RHOJ: variants seen among roughly 807,000 people sequenced by gnomAD.
RHOJ encodes the protein rho-related GTP-binding protein RhoJ.
A neutral mutation model predicts 23.4 loss-of-function variants in RHOJ; 11 were observed. The observed-to-expected ratio is 0.47, with a 90% CI of 0.30 to 0.78. RHOJ has a LOEUF of 0.78. RHOJ is among the 30% of genes least tolerant of loss of function. The pLI is 0.08. For missense variants in RHOJ, 254 were observed against 273.4 expected, an observed-to-expected ratio of 0.93 and a Z score of 0.50; for synonymous variants, 102 against 102.7, an observed-to-expected ratio of 0.99 and a Z score of 0.04.
At chr14:63,248,064 G>T (rs1408992517) in intron 1 of RHOJ, among the ~76,000 whole-genome samples, 1 of 152,148 alleles carries the variant, frequency 6.6e-6, no homozygotes, top group Non-Finnish European at 1.5e-5. Context: ...CAACATGTGG[G>T]AATTGTGGGA....
chr14:63,235,454 A>AG (rs1434813863), intron 1 of RHOJ, among the ~76,000 whole-genome samples: 1 of 152,156 alleles, frequency 6.6e-6, no homozygotes, highest in Non-Finnish European at 1.5e-5. Flanking sequence ...CTTATTCTTA[A>AG]GAGATGCTGC....
chr14:63,244,584 A>G (rs375252182), intron 1 of RHOJ, among the ~76,000 whole-genome samples: 1 of 152,172 alleles, frequency 6.6e-6, no homozygotes, highest in South Asian at 2.1e-4. Context: ...GTCTAAAACA[A>G]AACAAAAAGG....
At chr14:63,215,936 T>C (rs1006924313) in intron 1 of RHOJ, among the ~76,000 whole-genome samples, 1 of 152,286 alleles carries the variant, frequency 6.6e-6, no homozygotes, top group African/African-American at 2.4e-5. Context: ...TCCAAGAGTC[T>C]CAGTCTTAAC....
intron 1 of RHOJ, among the ~76,000 whole-genome samples, chr14:63,259,242 A>G (rs1486411209): frequency 6.6e-6 from 1 of 152,214 alleles, no homozygotes; most frequent in African/African-American, 2.4e-5. Flanking sequence ...ATTGTACCTT[A>G]CCTAAAACTG....
intron 1 of RHOJ, among the ~76,000 whole-genome samples, chr14:63,240,908 AACTC>A (rs1427605211): frequency 1.3e-5 from 2 of 152,238 alleles, no homozygotes; most frequent in African/African-American, 4.8e-5. Flanking sequence ...ATGAAACGGC[AACTC>A]ACTAAGAATG....
At chr14:63,243,055 T>C (rs1248394748) in intron 1 of RHOJ, among the ~76,000 whole-genome samples, 2 of 152,194 alleles carry the variant, frequency 1.3e-5, no homozygotes, top group African/African-American at 4.8e-5. Context: ...GGACAAGCGG[T>C]ACTTGCACCT....
At position 63,259,806 on chromosome 14, in the gene RHOJ, T is replaced by C. The variant is rs150444738; in HGVS notation, c.179-9304T>C. Among the ~76,000 whole-genome samples the C allele has an allele frequency of 9.1e-4, 138 of 152,326 alleles. 3 individuals carry two copies. The East Asian group carries it at 0.025, about 28-fold the overall frequency. ...ACGTTATTTTTATTTGAAAAGAACC[T>C]ATGTTTCGTTACCTAAAAAGAACCC... On this transcript the variant is annotated intron_variant, in intron 1 of 4. Coordinates refer to ENST00000316754, the MANE Select transcript of RHOJ (RefSeq NM_020663.5).
chr14:63,289,746 A>T (rs1270739702), intron 4 of RHOJ, among the ~76,000 whole-genome samples: 1 of 152,250 alleles, frequency 6.6e-6, no homozygotes, highest in Non-Finnish European at 1.5e-5. Context: ...ATTATCAAAC[A>T]CACCATAGTA....
chr14:63,287,323 T>G (rs1467463506), intron 4 of RHOJ, among the ~76,000 whole-genome samples: 3 of 152,268 alleles, frequency 2.0e-5, no homozygotes, highest in Non-Finnish European at 4.4e-5. Flanking sequence ...CCTCTCTGGG[T>G]ATCAGTTTCC....
chr14:63,285,076 C>T lies in RHOJ; in HGVS notation c.498+1860C>T, dbSNP rs1161897585. Reference sequence around the variant, plus strand: ...TATAGAGATGCTTTAAGTTTCTCTACTCTCTGACTTTTCTGTCAAGTAGTT... The same window carrying T: ...TATAGAGATGCTTTAAGTTTCTCTATTCTCTGACTTTTCTGTCAAGTAGTT... On this transcript the variant is annotated intron_variant, in intron 4 of 4. Transcript: ENST00000316754. Among the ~76,000 whole-genome samples, 3 of 152,182 alleles carry T rather than the reference C, an allele frequency of 2.0e-5. No homozygotes were observed. In the East Asian group the frequency reaches 5.8e-4, roughly 29 times the overall value.
At chr14:63,290,195 G>T (rs1240095455) in intron 4 of RHOJ, among the ~76,000 whole-genome samples, 1 of 152,024 alleles carries the variant, frequency 6.6e-6, no homozygotes, top group African/African-American at 2.4e-5. Flanking sequence ...GAGTTAAGAT[G>T]GTGCCACTGC....
At chr14:63,233,872 C>A (rs914807164) in intron 1 of RHOJ, among the ~76,000 whole-genome samples, 1 of 152,170 alleles carries the variant, frequency 6.6e-6, no homozygotes, top group East Asian at 1.9e-4. Flanking sequence ...CAATATCATC[C>A]AGCAGCTCCC....
intron 2 of RHOJ, among the ~76,000 whole-genome samples, chr14:63,271,330 T>C (rs1895465122): frequency 6.6e-6 from 1 of 152,202 alleles, no homozygotes; most frequent in African/African-American, 2.4e-5. Flanking sequence ...GAAATCCTGA[T>C]AGAACTGGAG....
chr14:63,253,855 A>G (rs1487447629), intron 1 of RHOJ, among the ~76,000 whole-genome samples: 1 of 152,230 alleles, frequency 6.6e-6, no homozygotes, highest in Non-Finnish European at 1.5e-5. Flanking sequence ...CTCAGGAGGT[A>G]TGGCTAATAT....
intron 2 of RHOJ, among the ~76,000 whole-genome samples, chr14:63,276,133 T>G (rs1881711779): frequency 6.6e-6 from 1 of 152,124 alleles, no homozygotes; most frequent in Non-Finnish European, 1.5e-5. Context: ...TTCTGAAACT[T>G]GAGCTGCATC....
intron 4 of RHOJ, chr14:63,284,296 A>G (rs1882008676): frequency 1.0e-6 from 1 of 985,108 alleles, no homozygotes; most frequent in Non-Finnish European, 1.2e-6. Context: ...ACCTCTCACA[A>G]CACCTGATCG....
intron 1 of RHOJ, among the ~76,000 whole-genome samples, chr14:63,249,818 A>T (rs1266306000): frequency 6.6e-6 from 1 of 152,226 alleles, no homozygotes; most frequent in Non-Finnish European, 1.5e-5. Context: ...ATGCCTGGAT[A>T]TCGATAGATT....
chr14:63,289,996 A>G (rs186436951), intron 4 of RHOJ, among the ~76,000 whole-genome samples: 1 of 152,098 alleles, frequency 6.6e-6, no homozygotes, highest in East Asian at 1.9e-4. Flanking sequence ...TAATCCCAGC[A>G]TTTTTGGAGG....
In RHOJ at chr14:63,290,811, T is replaced by A. The variant is rs541466944; in HGVS notation, c.499-67T>A. On this transcript the variant is annotated intron_variant, in intron 4 of 4. Transcript: ENST00000316754. ...CAGAAGTAAGTGCTTGTCTGGGCAG[T>A]GAGTTGATACCACTGTGCTTTTCTC... 8 of 1,490,976 alleles carry A rather than the reference T, an allele frequency of 5.4e-6. No individual in the cohort carries two copies. In the African/African-American group the frequency reaches 9.8e-5, roughly 18 times the overall value. 92.4% of individuals were successfully genotyped at this position (1,490,976 alleles called of 1,614,324 possible). A position where few individuals can be genotyped will look rare whatever the true frequency, so the allele number is the denominator to read the frequency against.
Sources: gnomAD v4.1 joint callset for allele counts (sites outside exome capture counted in the v4.1 genomes callset) on GRCh38, gnomAD v4.1.1 for gene constraint, MANE v1.5 for transcripts, NCBI Gene and HGNC (gene_info 2026-07-23, HGNC 2026-07-21) for gene names.